Variants in SNX31 observed in about 807,000 individuals in gnomAD.
SNX31 encodes the protein sorting nexin-31.
Under a neutral mutation model 65.4 loss-of-function variants are expected in SNX31, and 58 were observed. The ratio of observed to expected loss-of-function variants is 0.89; its 90% CI spans 0.72 to 1.10. The LOEUF (loss-of-function observed/expected upper bound fraction) is 1.10. Ranked by LOEUF, SNX31 falls within the 50% of genes least tolerant of loss-of-function variation. SNX31 has a pLI of 0.00. For synonymous variants in SNX31, 181 were observed against 190.1 expected, an observed-to-expected ratio of 0.95 and a Z score of 0.39; for missense variants, 523 against 529.7, an observed-to-expected ratio of 0.99 and a Z score of 0.12.
chr8:100,638,966 T>C (rs1818965513), intron 2 of SNX31, among the ~76,000 whole-genome samples: 1 of 152,226 alleles, frequency 6.6e-6, no homozygotes, highest in African/African-American at 2.4e-5. Flanking sequence ...CTATATACTA[T>C]ATGATTTCAA....
At chr8:100,574,696 A>T (rs888617688) in intron 13 of SNX31, among the ~76,000 whole-genome samples, 2 of 150,840 alleles carry the variant, frequency 1.3e-5, no homozygotes, top group Non-Finnish European at 2.9e-5. Context: ...GCACGTTGGG[A>T]GGCTGAGGTG....
intron 10 of SNX31, among the ~76,000 whole-genome samples, chr8:100,590,738 C>A (rs528367514): frequency 6.6e-6 from 1 of 152,018 alleles, no homozygotes; most frequent in Middle Eastern, 3.2e-3. Flanking sequence ...GCTGAGATTG[C>A]GCCACTGCAC....
At chr8:100,619,728 CT>C (rs1214405064) in intron 4 of SNX31, 1 of 152,278 alleles carries the variant, frequency 6.6e-6, no homozygotes, top group Non-Finnish European at 1.5e-5. Context: ...AGGTCACAGC[CT>C]TTCTCATCCC....
At chr8:100,647,610 A>T (rs538833354) in intron 2 of SNX31, among the ~76,000 whole-genome samples, 33 of 152,288 alleles carry the variant, frequency 2.2e-4, no homozygotes, top group African/African-American at 7.0e-4. Flanking sequence ...CCTAATCTTC[A>T]CAAGCACACT....
intron 2 of SNX31, 35 bp from the exon 3 acceptor site, chr8:100,636,046 A>G: frequency 6.6e-7 from 1 of 1,515,320 alleles, no homozygotes; most frequent in South Asian, 1.1e-5. Flanking sequence ...AAGGCAGGTG[A>G]GCCGCCAGTT....
upstream of SNX31, among the ~76,000 whole-genome samples, chr8:100,652,508 C>T (rs1006793270): frequency 1.3e-5 from 2 of 152,154 alleles, no homozygotes. Flanking sequence ...GTCCCCTAAC[C>T]TTATGGAGCC....
At chr8:100,641,936 G>A (rs1238890030) in intron 2 of SNX31, among the ~76,000 whole-genome samples, 4 of 151,536 alleles carry the variant, frequency 2.6e-5, no homozygotes, top group African/African-American at 4.8e-5. Flanking sequence ...AAAATTAGCC[G>A]GGCTTGGTGG....
chr8:100,658,198 C>A (rs1680964818), intron 1 of SNX31, among the ~76,000 whole-genome samples: 1 of 152,164 alleles, frequency 6.6e-6, no homozygotes, highest in African/African-American at 2.4e-5. Flanking sequence ...GTGGTCAGAG[C>A]CCCTCACAGC....
At chr8:100,603,727 T>C (rs1344422217) in intron 8 of SNX31, among the ~76,000 whole-genome samples, 1 of 150,604 alleles carries the variant, frequency 6.6e-6, no homozygotes, top group Non-Finnish European at 1.5e-5. Flanking sequence ...ATTACAGGCA[T>C]GAACCACCAC....
At chr8:100,633,882 AT>A (rs1278957276) in intron 3 of SNX31, among the ~76,000 whole-genome samples, 3 of 152,224 alleles carry the variant, frequency 2.0e-5, no homozygotes, top group Non-Finnish European at 2.9e-5. Flanking sequence ...AACTTTCAGA[AT>A]AAAAAGCTCT....
chr8:100,631,709 G>A (rs375879312), intron 3 of SNX31, among the ~76,000 whole-genome samples: 4 of 152,108 alleles, frequency 2.6e-5, no homozygotes, highest in Non-Finnish European at 4.4e-5. Context: ...CAAAATAAAC[G>A]AAGAGAGAAA....
At chr8:100,621,630 T>C (rs911732139) in intron 4 of SNX31, among the ~76,000 whole-genome samples, 1 of 152,246 alleles carries the variant, frequency 6.6e-6, no homozygotes, top group Non-Finnish European at 1.5e-5. Flanking sequence ...CAAGTCTCCT[T>C]GCTTCCATTC....
At chr8:100,641,589 T>C (rs1378415218) in intron 2 of SNX31, among the ~76,000 whole-genome samples, 2 of 22,262 alleles carry the variant, frequency 9.0e-5, no homozygotes, top group Non-Finnish European at 1.3e-4. Flanking sequence ...TATATATATA[T>C]ATATATACAC....
chr8:100,631,781 C>T (rs7837464), intron 3 of SNX31, among the ~76,000 whole-genome samples: 23,821 of 152,072 alleles, frequency 0.16, 2,125 homozygotes, highest in South Asian at 0.25. Flanking sequence ...GGGTAATTCC[C>T]GGAGTGGAGG....
chr8:100,617,674 T>C lies in SNX31; in HGVS notation c.378A>G (p.Glu126=). ...KAYLDIFLPN[E]QSIRIEIITS... is the part of the protein sequence containing the mutation. ...TTATAATTTCGATTCTAATACTCTG[T>C]TCATTGGGCAGAAATATGTCCAGAT... The change falls in exon 5 of 14, where the codon GAA becomes GAG. Residue 126 remains glutamate, a synonymous_variant. Coordinates refer to ENST00000311812, the MANE Select transcript of SNX31 (RefSeq NM_152628.4). 1.9e-6 allele frequency: 3 copies of C among 1,614,008 alleles called. No individual in the cohort carries two copies. Among genetic ancestry groups the C allele is most frequent in the Non-Finnish European group, 2.5e-6 (3 of 1,179,956 alleles).
intron 11 of SNX31, 121 bp from the exon 12 acceptor site, chr8:100,584,309 A>C (rs1345690112): frequency 4.6e-6 from 3 of 654,246 alleles, no homozygotes; most frequent in Non-Finnish European, 7.3e-6. Context: ...TCAAGAATTT[A>C]GATTTCTTCA....
chr8:100,658,983 C>A (rs748687469), intron 1 of SNX31, among the ~76,000 whole-genome samples: 1 of 152,058 alleles, frequency 6.6e-6, no homozygotes, highest in Non-Finnish European at 1.5e-5. Flanking sequence ...TTAAGAAGAA[C>A]TTAGATTCAT....
intron 10 of SNX31, among the ~76,000 whole-genome samples, chr8:100,593,308 A>C (rs959849040): frequency 1.3e-5 from 2 of 152,206 alleles, no homozygotes; most frequent in African/African-American, 4.8e-5. Context: ...AACATGCCCA[A>C]CTGATTTTTG....
intron 2 of SNX31, among the ~76,000 whole-genome samples, chr8:100,638,081 G>T (rs939044844): frequency 1.3e-5 from 2 of 152,110 alleles, no homozygotes; most frequent in Non-Finnish European, 2.9e-5. Context: ...GAGGCAGGAG[G>T]GTTGCTTGAG....
Sources: allele counts gnomAD v4.1 joint callset (sites outside exome capture counted in the v4.1 genomes callset), GRCh38; gene constraint gnomAD v4.1.1; transcripts MANE v1.5; gene names NCBI Gene and HGNC (gene_info 2026-07-23, HGNC 2026-07-21).